The following MPP7 variants were observed in gnomAD, a reference collection of about 807,000 sequenced individuals.
MPP7 encodes the protein MAGUK p55 subfamily member 7.
In MPP7, 60 loss-of-function variants were observed where a neutral mutation model predicts 76.5. The ratio of observed to expected loss-of-function variants is 0.78; its 90% CI spans 0.64 to 0.97. The LOEUF (loss-of-function observed/expected upper bound fraction) is 0.97. Among genes scored for constraint, MPP7 ranks in the 50% least tolerant of loss-of-function variants. The probability of loss-of-function intolerance (pLI) is 0.00; values close to 1 mark genes in which losing one functional copy is unlikely to be tolerated. For synonymous variants in MPP7, 237 were observed against 244.5 expected (o/e 0.97, Z 0.29); for missense variants, 641 against 694.0 (o/e 0.92, Z 0.86).
intron 3 of MPP7, among the ~76,000 whole-genome samples, chr10:28,162,475 C>G (rs1836294166): frequency 6.6e-6 from 1 of 152,112 alleles, no homozygotes; most frequent in South Asian, 2.1e-4. Context: ...TCGTATTCTT[C>G]TATACTTACC....
intron 12 of MPP7, among the ~76,000 whole-genome samples, chr10:28,084,680 T>G (rs1852920245): frequency 6.6e-6 from 1 of 152,164 alleles, no homozygotes; most frequent in South Asian, 2.1e-4. Flanking sequence ...ATCTCTGAAC[T>G]CTGAAGGCAG....
chr10:28,051,854 C>T lies in MPP7; in HGVS notation c.*2211G>A, dbSNP rs946703794. On this transcript the variant is annotated 3_prime_UTR_variant, in exon 17 of 17. Transcript: ENST00000683449. Reference sequence around the variant, plus strand: ...ATTGCTTGAGCCCAGGAGTTCAAGACCAGCCTGAGCAACATGGCAAGACCC... The same window carrying T: ...ATTGCTTGAGCCCAGGAGTTCAAGATCAGCCTGAGCAACATGGCAAGACCC... 1 of 150,832 alleles carries T rather than the reference C, an allele frequency of 6.6e-6. No homozygotes were observed. The highest frequency in any genetic ancestry group is 2.5e-5 in the African/African-American group (1 of 40,734). The allele number at this position is 150,832 out of a possible 1,614,324, so 9.3% of individuals were successfully genotyped here.
At chr10:28,242,006 T>C (rs1388850779) in intron 1 of MPP7, among the ~76,000 whole-genome samples, 4 of 152,156 alleles carry the variant, frequency 2.6e-5, no homozygotes, top group Non-Finnish European at 5.9e-5. Context: ...ACCACAGAAG[T>C]GCAAGTGTTT....
At chr10:28,118,685 C>T in intron 11 of MPP7, 1 of 985,314 alleles carries the variant, frequency 1.0e-6, no homozygotes, top group Non-Finnish European at 1.2e-6. Context: ...CTTAATGTAG[C>T]AAGGACAAGC....
At chr10:28,315,539 A>G (rs1179668314) in intron 2 of MPP7, among the ~76,000 whole-genome samples, 4 of 152,222 alleles carry the variant, frequency 2.6e-5, no homozygotes, top group East Asian at 1.9e-4. Flanking sequence ...CACTGCAGAC[A>G]TTTGAGTTTG....
At chr10:28,076,488 T>C (rs1852487077) in intron 12 of MPP7, among the ~76,000 whole-genome samples, 2 of 152,120 alleles carry the variant, frequency 1.3e-5, no homozygotes, top group African/African-American at 4.8e-5. Flanking sequence ...TGAAGGTACC[T>C]TCTAAGTACA....
At chr10:28,239,956 T>C (rs1242532329) in intron 1 of MPP7, among the ~76,000 whole-genome samples, 1 of 152,196 alleles carries the variant, frequency 6.6e-6, no homozygotes, top group Non-Finnish European at 1.5e-5. Flanking sequence ...TGTTAGGGTT[T>C]TTTTTTAATT....
At chr10:28,169,764 G>T (rs1336156031) in intron 3 of MPP7, among the ~76,000 whole-genome samples, 1 of 152,158 alleles carries the variant, frequency 6.6e-6, no homozygotes, top group African/African-American at 2.4e-5. Context: ...AAACACAGCT[G>T]ACTTTCATAT....
At chr10:28,173,937 C>T (rs1295417573) in intron 3 of MPP7, among the ~76,000 whole-genome samples, 1 of 152,088 alleles carries the variant, frequency 6.6e-6, no homozygotes, top group Non-Finnish European at 1.5e-5. Context: ...GATTTTTCTG[C>T]AAATAAGACA....
chr10:28,287,110 A>G (rs868155765), intron 1 of MPP7, among the ~76,000 whole-genome samples: 1 of 152,216 alleles, frequency 6.6e-6, no homozygotes, highest in African/African-American at 2.4e-5. Flanking sequence ...GGTATTTGGC[A>G]CACACTTTCT....
At chr10:28,234,728 T>C (rs1423961903) in intron 2 of MPP7, among the ~76,000 whole-genome samples, 1 of 152,190 alleles carries the variant, frequency 6.6e-6, no homozygotes, top group Non-Finnish European at 1.5e-5. Flanking sequence ...CCTTACAATA[T>C]ACCTAACCAG....
At chr10:28,108,467 C>A (rs1245395373) in intron 11 of MPP7, among the ~76,000 whole-genome samples, 1 of 151,910 alleles carries the variant, frequency 6.6e-6, no homozygotes, top group Non-Finnish European at 1.5e-5. Flanking sequence ...CCAGCCTGGG[C>A]AACATGGTGA....
intron 2 of MPP7, among the ~76,000 whole-genome samples, chr10:28,313,852 A>AC: frequency 1.0e-5 from 1 of 97,400 alleles, no homozygotes; most frequent in Non-Finnish European, 1.9e-5. Context: ...ATACCTGGCT[A>AC]ATTTTTTTTT....
chr10:28,318,225 C>G (rs1834339514), intron 2 of MPP7, among the ~76,000 whole-genome samples: 1 of 152,124 alleles, frequency 6.6e-6, no homozygotes, highest in Admixed American at 6.6e-5. Context: ...TCAACCGTAA[C>G]AGAGGAAATA....
intron 1 of MPP7, among the ~76,000 whole-genome samples, chr10:28,253,906 G>C (rs918829021): frequency 7.1e-6 from 1 of 140,324 alleles, no homozygotes; most frequent in Non-Finnish European, 1.5e-5. Context: ...TGAGGCAGGA[G>C]AATCACTTGA....
At chr10:28,287,532 T>C (rs76380698) in intron 1 of MPP7, among the ~76,000 whole-genome samples, 8,940 of 152,272 alleles carry the variant, frequency 0.059, 374 homozygotes, top group South Asian at 0.097. Context: ...TGGATCTTTC[T>C]TATTCATGCA....
chr10:28,252,352 G>A (rs1839641470), intron 1 of MPP7, among the ~76,000 whole-genome samples: 1 of 152,188 alleles, frequency 6.6e-6, no homozygotes, highest in South Asian at 2.1e-4. Context: ...GTATTCCATA[G>A]TAGGGCATTC....
At chr10:28,175,775 A>T (rs1487514738) in intron 3 of MPP7, among the ~76,000 whole-genome samples, 2 of 152,154 alleles carry the variant, frequency 1.3e-5, no homozygotes, top group Non-Finnish European at 2.9e-5. Context: ...AACTTGTAAG[A>T]GCTCAGGGAA....
intron 2 of MPP7, among the ~76,000 whole-genome samples, chr10:28,224,755 A>C (rs1838633108): frequency 6.6e-6 from 1 of 152,192 alleles, no homozygotes; most frequent in Non-Finnish European, 1.5e-5. Flanking sequence ...CTTAAAACAC[A>C]GCATGAATCT....
Sources: allele counts gnomAD v4.1 joint callset (sites outside exome capture counted in the v4.1 genomes callset), GRCh38; gene constraint gnomAD v4.1.1; transcripts MANE v1.5; gene names NCBI Gene and HGNC (gene_info 2026-07-23, HGNC 2026-07-21).